The following DLG2 variants were observed in gnomAD, a reference collection of about 807,000 sequenced individuals.
DLG2 encodes the protein disks large homolog 2.
A neutral mutation model predicts 132.5 loss-of-function variants in DLG2; 45 were observed. The observed-to-expected ratio is 0.34, with a 90% CI of 0.27 to 0.44. The LOEUF is 0.44. DLG2 is among the 20% of genes least tolerant of loss of function. The probability of loss-of-function intolerance (pLI) is 1.00; values close to 1 mark genes in which losing one functional copy is unlikely to be tolerated. For missense variants in DLG2, 1,045 were observed against 1,196.9 expected (o/e 0.87, Z 1.87); for synonymous variants, 424 against 419.6 (o/e 1.01, Z -0.13).
chr11:84,690,076 T>C (rs749392041), intron 6 of DLG2, among the ~76,000 whole-genome samples: 1 of 151,418 alleles, frequency 6.6e-6, no homozygotes, highest in South Asian at 2.1e-4. Flanking sequence ...CAACAGAGAA[T>C]AGAAAGGTAG....
At chr11:83,598,432 G>A (rs1338528719) in intron 19 of DLG2, among the ~76,000 whole-genome samples, 1 of 152,224 alleles carries the variant, frequency 6.6e-6, no homozygotes, top group Admixed American at 6.5e-5. Context: ...TATTGGAAAA[G>A]TTTAGGCTAA....
intron 6 of DLG2, among the ~76,000 whole-genome samples, chr11:84,926,067 A>G (rs1380004317): frequency 2.0e-5 from 3 of 152,144 alleles, no homozygotes; most frequent in Admixed American, 6.5e-5. Context: ...TTGTTTTAAT[A>G]TACAAAGAAC....
chr11:83,739,344 A>C (rs1193678816), intron 18 of DLG2, among the ~76,000 whole-genome samples: 1 of 152,192 alleles, frequency 6.6e-6, no homozygotes, highest in Non-Finnish European at 1.5e-5. Context: ...TAAGCCTCTA[A>C]ATTCTACTAA....
chr11:85,310,483 G>A (rs187516414), intron 3 of DLG2, among the ~76,000 whole-genome samples: 126 of 152,242 alleles, frequency 8.3e-4, no homozygotes, highest in African/African-American at 3.0e-3. Flanking sequence ...TCCCAACAAG[G>A]GACTGTCCCT....
At chr11:85,487,098 A>C (rs1472969639) in intron 3 of DLG2, among the ~76,000 whole-genome samples, 2 of 151,922 alleles carry the variant, frequency 1.3e-5, no homozygotes, top group Admixed American at 1.3e-4. Flanking sequence ...ATCAAAGCCA[A>C]AAACTTCCTA....
At chr11:83,870,599 C>T (rs1277951113) in intron 16 of DLG2, among the ~76,000 whole-genome samples, 1 of 152,180 alleles carries the variant, frequency 6.6e-6, no homozygotes, top group Non-Finnish European at 1.5e-5. Context: ...AACTAGCACA[C>T]TGTGAAGGGC....
At chr11:84,722,644 G>A (rs2061961339) in intron 6 of DLG2, among the ~76,000 whole-genome samples, 3 of 152,086 alleles carry the variant, frequency 2.0e-5, no homozygotes, top group Admixed American at 2.0e-4. Flanking sequence ...ATTTTAATCA[G>A]CCCCCTTGTG....
intron 3 of DLG2, among the ~76,000 whole-genome samples, chr11:85,333,855 C>T (rs115026500): frequency 2.2e-3 from 327 of 151,322 alleles, no homozygotes; most frequent in African/African-American, 7.7e-3. Flanking sequence ...GATTTTTGCA[C>T]CTATGTTTAC....
chr11:85,194,204 G>A (rs1472209011), intron 4 of DLG2, among the ~76,000 whole-genome samples: 1 of 152,230 alleles, frequency 6.6e-6, no homozygotes, highest in African/African-American at 2.4e-5. Flanking sequence ...AGACTCTCAT[G>A]TTGGAGAACT....
intron 6 of DLG2, among the ~76,000 whole-genome samples, chr11:85,031,713 T>G (rs1018812090): frequency 1.3e-5 from 2 of 152,114 alleles, no homozygotes; most frequent in African/African-American, 4.8e-5. Flanking sequence ...TTTGTTTCAC[T>G]AAAATAATGT....
At chr11:85,265,810 G>A (rs1028543876) in intron 4 of DLG2, among the ~76,000 whole-genome samples, 16 of 152,218 alleles carry the variant, frequency 1.1e-4, no homozygotes, top group Non-Finnish European at 2.1e-4. Context: ...CTTCGGAGGA[G>A]AGAGGCAGAG....
intron 11 of DLG2, among the ~76,000 whole-genome samples, chr11:84,052,691 A>C (rs1433348313): frequency 3.7e-5 from 1 of 27,122 alleles, no homozygotes; most frequent in Non-Finnish European, 2.7e-4. Context: ...AAAAGTCAAA[A>C]AAAAAAAAAA....
intron 6 of DLG2, among the ~76,000 whole-genome samples, chr11:84,752,272 T>TAAAATAGCCTACTATTTCCTAG (rs2066224855): frequency 6.6e-6 from 1 of 152,156 alleles, no homozygotes; most frequent in Non-Finnish European, 1.5e-5. Flanking sequence ...TGGTTCTAGG[T>TAAAATAGCCTACTATTTCCTAG]GCTGGGAATA....
chr11:84,733,403 A>AT (rs1175368764), intron 6 of DLG2, among the ~76,000 whole-genome samples: 2 of 152,216 alleles, frequency 1.3e-5, no homozygotes, highest in East Asian at 1.9e-4. Flanking sequence ...GATGATGAGC[A>AT]TTTTTTACTG....
intron 7 of DLG2, among the ~76,000 whole-genome samples, chr11:84,386,801 C>G (rs1046674190): frequency 6.6e-6 from 1 of 151,956 alleles, no homozygotes; most frequent in Non-Finnish European, 1.5e-5. Context: ...TAAAATGCAT[C>G]AAAATTTGTT....
chr11:84,253,414 G>C (rs919172115), intron 7 of DLG2, among the ~76,000 whole-genome samples: 7 of 152,162 alleles, frequency 4.6e-5, no homozygotes, highest in Admixed American at 4.6e-4. Flanking sequence ...AGGTGATATA[G>C]TTGAGTGTGC....
rs149001734 is a variant in DLG2 at position 84,509,608 on chromosome 11, G to T, written c.519+24962C>A. Among the ~76,000 whole-genome samples, 1,105 of 152,242 alleles carry T rather than the reference G, an allele frequency of 7.3e-3. 7 individuals are homozygous for T. The highest frequency in any genetic ancestry group is 0.011 in the Non-Finnish European group (734 of 67,980). On this transcript the variant is annotated intron_variant, in intron 7 of 27. Transcript: ENST00000376104. The stretch of plus-strand genomic sequence containing the variant: ...ATAAAGTGCTCCACCAGGAGGAAGA[G>T]TCAGCCCACCCAACAAATAGAAAGA...
intron 3 of DLG2, among the ~76,000 whole-genome samples, chr11:85,577,713 A>T (rs1199416109): frequency 3.9e-5 from 6 of 152,016 alleles, no homozygotes; most frequent in Admixed American, 6.6e-5. Flanking sequence ...TTTTTTTAAA[A>T]ATGAGGTAAG....
intron 11 of DLG2, among the ~76,000 whole-genome samples, chr11:84,019,390 A>G (rs2095321720): frequency 6.6e-6 from 1 of 152,138 alleles, no homozygotes; most frequent in Non-Finnish European, 1.5e-5. Flanking sequence ...GGCCCCAAGA[A>G]TGAACTAGAA....
Sources: allele counts gnomAD v4.1 joint callset (sites outside exome capture counted in the v4.1 genomes callset), GRCh38; gene constraint gnomAD v4.1.1; transcripts MANE v1.5; gene names NCBI Gene and HGNC (gene_info 2026-07-23, HGNC 2026-07-21).